The following SSBP3 variants were observed in gnomAD, a reference collection of about 807,000 sequenced individuals.
SSBP3 encodes the protein single stranded DNA binding protein 3, also known as single-stranded DNA-binding protein 3.
In SSBP3, 5 loss-of-function variants were observed where a neutral mutation model predicts 69.6. That is an observed-to-expected ratio of 0.07 (90% confidence interval 0.04 to 0.15). The LOEUF (loss-of-function observed/expected upper bound fraction) is 0.15. Among genes scored for constraint, SSBP3 ranks in the 10% least tolerant of loss-of-function variants. The pLI is 1.00. For missense variants in SSBP3, 312 were observed against 534.0 expected (o/e 0.58, Z 4.10); for synonymous variants, 196 against 193.4 (o/e 1.01, Z -0.11).
chr1:54,409,820 G>C (rs1029370459), upstream of SSBP3, among the ~76,000 whole-genome samples: 17 of 152,016 alleles, frequency 1.1e-4, no homozygotes, highest in African/African-American at 3.9e-4. Flanking sequence ...ACCATACGCT[G>C]TTCTAGGCCT....
chr1:54,240,024 G>A (rs1459611872), intron 13 of SSBP3, among the ~76,000 whole-genome samples: 1 of 150,340 alleles, frequency 6.7e-6, no homozygotes, highest in Non-Finnish European at 1.5e-5. Context: ...TTCTTAGCTG[G>A]GAAAGAAACA....
chr1:54,278,003 G>A (rs1042867635), intron 5 of SSBP3, among the ~76,000 whole-genome samples: 9 of 152,208 alleles, frequency 5.9e-5, no homozygotes, highest in African/African-American at 1.7e-4. Context: ...AGTTGGAAGG[G>A]CCCTCAGAGA....
At chr1:54,303,852 A>G (rs914362645) in intron 4 of SSBP3, among the ~76,000 whole-genome samples, 2 of 152,376 alleles carry the variant, frequency 1.3e-5, no homozygotes, top group Non-Finnish European at 1.5e-5. Flanking sequence ...ATATTTGGTC[A>G]TAATTAAAGT....
chr1:54,292,050 G>A (rs531391310), intron 4 of SSBP3, among the ~76,000 whole-genome samples: 1 of 152,290 alleles, frequency 6.6e-6, no homozygotes, highest in Admixed American at 6.5e-5. Flanking sequence ...CAATGGCTGG[G>A]CCTGCAGCTG....
chr1:54,316,626 C>T (rs1375911488), intron 4 of SSBP3, among the ~76,000 whole-genome samples: 7 of 128,250 alleles, frequency 5.5e-5, no homozygotes, highest in Non-Finnish European at 9.3e-5. Context: ...CCCACCTGGG[C>T]GACAGAGCGA....
chr1:54,334,276 C>T (rs556840961), intron 4 of SSBP3, among the ~76,000 whole-genome samples: 64 of 152,018 alleles, frequency 4.2e-4, no homozygotes, highest in Admixed American at 3.6e-3. Flanking sequence ...CACTTGAACC[C>T]GGGAGGCGGA....
chr1:54,345,409 G>A lies in SSBP3; in HGVS notation c.276+56452C>T, dbSNP rs938851093. ...CCCGAGTCTCAGCCCTCCCATCCAG[G>A]GAAAAGACCAAGGCACTGGAAGAAC... is the stretch of plus-strand genomic sequence containing the variant. On this transcript the variant is annotated intron_variant, in intron 4 of 17. Coordinates refer to ENST00000610401, the Ensembl canonical transcript of SSBP3. Among the ~76,000 whole-genome samples, 11 of 152,024 alleles carry A rather than the reference G, an allele frequency of 7.2e-5. No homozygotes were observed. In the East Asian group the frequency reaches 1.4e-3, roughly 19 times the overall value.
intron 5 of SSBP3, among the ~76,000 whole-genome samples, chr1:54,261,325 C>T (rs1221417286): frequency 1.3e-5 from 2 of 152,220 alleles, no homozygotes; most frequent in Non-Finnish European, 2.9e-5. Context: ...CCTTCCCAGC[C>T]TGCATTCTCA....
rs529538986 is a variant in SSBP3, at chr1:54,263,565, C to T, written c.367-5416G>A. On this transcript the variant is annotated intron_variant, in intron 5 of 17. Transcript: ENST00000610401. Reference sequence around the variant, plus strand: ...TCCTGCTCCTGTGGCCACTCGCCTGCCCTTTACAAGGAAAGCAGGAGCTTG... The same window carrying T: ...TCCTGCTCCTGTGGCCACTCGCCTGTCCTTTACAAGGAAAGCAGGAGCTTG... 1.8e-3 allele frequency among the ~76,000 whole-genome samples: 275 copies of T among 152,374 alleles called. 1 individual carries two copies. The highest frequency in any genetic ancestry group is 4.0e-4 in the Non-Finnish European group (27 of 68,036).
intron 4 of SSBP3, among the ~76,000 whole-genome samples, chr1:54,369,768 T>C (rs923229788): frequency 6.6e-6 from 1 of 152,186 alleles, no homozygotes; most frequent in Admixed American, 6.5e-5. Context: ...CAGAATCAGA[T>C]ACTCAGACTC....
chr1:54,241,398 G>A (rs1644635619), intron 12 of SSBP3, 76 bp downstream of exon 12: 2 of 1,499,038 alleles, frequency 1.3e-6, no homozygotes, highest in East Asian at 4.5e-5. Context: ...GAAAGAAACG[G>A]GGACCCCAGA....
chr1:54,407,280 T>G (rs186597226), upstream of SSBP3, among the ~76,000 whole-genome samples: 1 of 152,238 alleles, frequency 6.6e-6, no homozygotes, highest in Non-Finnish European at 1.5e-5. Flanking sequence ...AGGGTGCCAC[T>G]CGGAGATGGG....
At chr1:54,366,638 C>T (rs796826978) in intron 4 of SSBP3, among the ~76,000 whole-genome samples, 7 of 152,154 alleles carry the variant, frequency 4.6e-5, no homozygotes, top group African/African-American at 1.7e-4. Context: ...CCAGGATGCA[C>T]AGGAGGACAG....
chr1:54,307,496 G>A (rs932477726), intron 4 of SSBP3, among the ~76,000 whole-genome samples: 5 of 152,168 alleles, frequency 3.3e-5, no homozygotes, highest in African/African-American at 1.2e-4. Flanking sequence ...GGCTCCTTGA[G>A]GGCAGGGACC....
chr1:54,356,305 GAACA>G (rs1333790887), intron 4 of SSBP3: 1 of 152,188 alleles, frequency 6.6e-6, no homozygotes, highest in Non-Finnish European at 1.5e-5. Context: ...GTCCACAGTT[GAACA>G]AACAGACACG....
At chr1:54,328,411 G>A (rs969864083) in intron 4 of SSBP3, among the ~76,000 whole-genome samples, 1 of 152,196 alleles carries the variant, frequency 6.6e-6, no homozygotes, top group Non-Finnish European at 1.5e-5. Context: ...CTCTACTGCT[G>A]ATCTGCTGTG....
In SSBP3 at chr1:54,270,014, G is replaced by A. The variant is rs1053471862; in HGVS notation, c.366+11424C>T. On this transcript the variant is annotated intron_variant, in intron 5 of 17. Coordinates refer to ENST00000610401, the Ensembl canonical transcript of SSBP3. ...GCACAGCGGGGCTGGGCAGAAAGCCGTGGCTTATGAATGTATGCTGAAGGA... is the reference window on the plus strand; with the variant it reads ...GCACAGCGGGGCTGGGCAGAAAGCCATGGCTTATGAATGTATGCTGAAGGA... 5.3e-5 allele frequency among the ~76,000 whole-genome samples: 8 copies of A among 152,326 alleles called. No homozygotes were observed. In the South Asian group the frequency reaches 6.2e-4, roughly 12 times the overall value.
upstream of SSBP3, among the ~76,000 whole-genome samples, chr1:54,410,233 T>A (rs1014851714): frequency 2.0e-5 from 3 of 152,104 alleles, no homozygotes; most frequent in African/African-American, 7.2e-5. Flanking sequence ...ATTCCAAGCT[T>A]AGGCTAGAAG....
chr1:54,345,055 A>C (rs1376839636), intron 4 of SSBP3, among the ~76,000 whole-genome samples: 2 of 151,836 alleles, frequency 1.3e-5, no homozygotes, highest in Middle Eastern at 3.2e-3. Flanking sequence ...AATGCTTTCT[A>C]CTCCACTCCT....
Sources: gnomAD v4.1 joint callset for allele counts (sites outside exome capture counted in the v4.1 genomes callset) on GRCh38, gnomAD v4.1.1 for gene constraint, MANE v1.5 for transcripts, NCBI Gene and HGNC (gene_info 2026-07-23, HGNC 2026-07-21) for gene names.